Variants in COL14A1 observed in about 807,000 individuals in gnomAD.
COL14A1 encodes the protein collagen alpha-1(XIV) chain.
In COL14A1, 136 loss-of-function variants were observed where a neutral mutation model predicts 230.3. The ratio of observed to expected loss-of-function variants is 0.59; its 90% CI spans 0.51 to 0.68. The LOEUF is 0.68. Ranked by LOEUF, COL14A1 falls within the 30% of genes least tolerant of loss-of-function variation. COL14A1 has a pLI of 0.00. For missense variants in COL14A1, 1,976 were observed against 2,215.8 expected (o/e 0.89, Z 2.17); for synonymous variants, 792 against 784.1 (o/e 1.01, Z -0.17).
intron 40 of COL14A1, among the ~76,000 whole-genome samples, chr8:120,319,828 C>T (rs933257557): frequency 1.3e-5 from 2 of 151,544 alleles, no homozygotes; most frequent in African/African-American, 2.4e-5. Context: ...GAGTACAGGA[C>T]CACACTTTAA....
At chr8:120,347,241 A>G (rs1407596010) in intron 45 of COL14A1, among the ~76,000 whole-genome samples, 1 of 152,200 alleles carries the variant, frequency 6.6e-6, no homozygotes, top group Non-Finnish European at 1.5e-5. Flanking sequence ...GGATTCTCAA[A>G]GGGCAGCCCA....
At chr8:120,344,194 A>C (rs77163858) in intron 44 of COL14A1, among the ~76,000 whole-genome samples, 2 of 152,342 alleles carry the variant, frequency 1.3e-5, no homozygotes, top group Non-Finnish European at 2.9e-5. Flanking sequence ...CAACTCGATA[A>C]GCCAGGCCCA....
intron 41 of COL14A1, 126 bp downstream of exon 41, chr8:120,332,320 T>A: frequency 1.2e-6 from 1 of 853,460 alleles, no homozygotes; most frequent in Admixed American, 2.5e-5. Context: ...ACTCATCCCT[T>A]GATAGAGAAC....
intron 4 of COL14A1, 27 bp from the exon 5 acceptor site, chr8:120,168,134 G>A (rs1404489131): frequency 6.9e-7 from 1 of 1,442,432 alleles, no homozygotes; most frequent in Non-Finnish European, 9.7e-7. Flanking sequence ...AGTATAACAT[G>A]GTGCTGTATC....
At chr8:120,249,343 A>G (rs553048751) in intron 21 of COL14A1, among the ~76,000 whole-genome samples, 1 of 152,000 alleles carries the variant, frequency 6.6e-6, no homozygotes, top group East Asian at 1.9e-4. Flanking sequence ...CCCACCTCCA[A>G]TTTCTCCAGA....
intron 2 of COL14A1, among the ~76,000 whole-genome samples, chr8:120,157,349 A>C (rs1815512861): frequency 6.6e-6 from 1 of 152,184 alleles, no homozygotes; most frequent in Non-Finnish European, 1.5e-5. Context: ...TTATTACCAT[A>C]ATATATCCGT....
chr8:120,264,174 G>C (rs556069481), intron 24 of COL14A1, among the ~76,000 whole-genome samples: 2 of 152,012 alleles, frequency 1.3e-5, no homozygotes, highest in African/African-American at 4.8e-5. Flanking sequence ...TTATACATTT[G>C]CCTTTTCTGG....
intron 9 of COL14A1, among the ~76,000 whole-genome samples, chr8:120,206,601 G>A (rs1254106977): frequency 1.3e-5 from 2 of 152,158 alleles, no homozygotes; most frequent in East Asian, 1.9e-4. Flanking sequence ...TGCCCGCCTC[G>A]GCCTCCCAAA....
At chr8:120,312,841 A>G (rs893675947) in intron 37 of COL14A1, among the ~76,000 whole-genome samples, 1 of 152,178 alleles carries the variant, frequency 6.6e-6, no homozygotes, top group Non-Finnish European at 1.5e-5. Context: ...GTGTTCACCA[A>G]TCTCAGAGCT....
Position 120,289,600 on chromosome 8 carries a change from T to C in COL14A1, c.4078-8T>C, listed in dbSNP as rs778170853. 6.2e-7 allele frequency: 1 copy of C among 1,612,628 alleles called. No individual in the cohort carries two copies. The highest frequency in any genetic ancestry group is 1.3e-5 in the African/African-American group (1 of 75,000). On this transcript the variant is annotated splice_region_variant and splice_polypyrimidine_tract_variant and intron_variant, in intron 33 of 47. Coordinates refer to ENST00000297848, the MANE Select transcript of COL14A1 (RefSeq NM_021110.4). ...TCTTACCTCCTAAAACATCTTACTT[T>C]TACCTAGCTACACATTGTTGTCAGT... is the stretch of plus-strand genomic sequence containing the variant.
rs533648098 is a variant in COL14A1 at position 120,150,730 on chromosome 8, A to G, written c.88+2800A>G. ...AATGAGTTCAGTTTTAGACAAATAT[A>G]TGGAGCTTAAGGTGTCTGTGGGACA... On this transcript the variant is annotated intron_variant, in intron 2 of 47. Transcript: ENST00000297848. Among the ~76,000 whole-genome samples the G allele has an allele frequency of 2.6e-5, 4 of 152,232 alleles. No homozygotes were observed. In the South Asian group the frequency reaches 6.2e-4, roughly 24 times the overall value.
intron 40 of COL14A1, among the ~76,000 whole-genome samples, chr8:120,324,096 G>A (rs998482787): frequency 1.3e-5 from 2 of 151,870 alleles, no homozygotes; most frequent in Non-Finnish European, 2.9e-5. Flanking sequence ...AGGAGGATGA[G>A]GATCAAAAAA....
intron 47 of COL14A1, chr8:120,370,409 T>G: frequency 6.2e-7 from 1 of 1,606,008 alleles, no homozygotes. Context: ...CCCAGACATT[T>G]AGCTGTGGAT....
rs1360567717 is a variant in COL14A1, at chr8:120,262,883, A to C, written c.2885A>C (p.Glu962Ala). The change falls in exon 24 of 48, where the codon GAA becomes GCA. Residue 962 changes from glutamate to alanine, a missense_variant. By Grantham distance (107) the Glu-to-Ala change is moderately radical (BLOSUM62 -1). This residue lies in a region of COL14A1 where 1,791 missense variants were observed against 2,019.5 expected (regional missense o/e 0.89). Transcript: ENST00000297848. Reference sequence around the variant, plus strand: ...TTTATTATAGATAGGCAAAAGCAAGAATCCACTGTGGGTGGAGGGACAACC... The same window carrying C: ...TTTATTATAGATAGGCAAAAGCAAGCATCCACTGTGGGTGGAGGGACAACC... ...IESLQDRQKQ[E>A]STVGGGTTRH... 2 of 1,606,372 alleles carry C rather than the reference A, an allele frequency of 1.2e-6. No homozygotes were observed. The highest frequency in any genetic ancestry group is 1.1e-5 in the South Asian group (1 of 89,040).
intron 5 of COL14A1, among the ~76,000 whole-genome samples, chr8:120,185,301 C>T (rs959711692): frequency 6.6e-6 from 1 of 152,150 alleles, no homozygotes; most frequent in Non-Finnish European, 1.5e-5. Flanking sequence ...GGACAACTTC[C>T]ATGGTAGTGA....
chr8:120,338,673 G>T (rs1166977779), intron 42 of COL14A1, among the ~76,000 whole-genome samples: 1 of 152,188 alleles, frequency 6.6e-6, no homozygotes, highest in Admixed American at 6.5e-5. Context: ...AGGTTTAGCT[G>T]AGTTAACATG....
At chr8:120,218,175 A>G (rs968145904) in intron 14 of COL14A1, among the ~76,000 whole-genome samples, 1 of 137,720 alleles carries the variant, frequency 7.3e-6, no homozygotes, top group African/African-American at 2.8e-5. Context: ...ATAAATATAT[A>G]TAAATATATA....
At chr8:120,257,934 T>C (rs1819210119) in intron 23 of COL14A1, among the ~76,000 whole-genome samples, 1 of 152,222 alleles carries the variant, frequency 6.6e-6, no homozygotes, top group African/African-American at 2.4e-5. Context: ...AAGTCTCTAC[T>C]GTAACCACAA....
In COL14A1 at chr8:120,280,232, A is replaced by T. The variant is rs1819994647; in HGVS notation, c.3646+133A>T. Reference sequence around the variant, plus strand: ...CAGTACTGCTTGTTATATAGACATTAAGTTTTGTGGCTTTGAGCATATGGA... The same window carrying T: ...CAGTACTGCTTGTTATATAGACATTTAGTTTTGTGGCTTTGAGCATATGGA... On this transcript the variant is annotated intron_variant, in intron 29 of 47. Transcript: ENST00000297848. 2.8e-6 allele frequency: 3 copies of T among 1,059,740 alleles called. No homozygotes were observed. The South Asian group carries it at 4.7e-5, about 17-fold the overall frequency. The allele number at this position is 1,059,740 out of a possible 1,614,324, so 65.6% of individuals were successfully genotyped here. A position where few individuals can be genotyped will look rare whatever the true frequency, so the allele number is the denominator to read the frequency against.
Sources: allele counts gnomAD v4.1 joint callset (sites outside exome capture counted in the v4.1 genomes callset), GRCh38; gene constraint gnomAD v4.1.1; regional missense constraint gnomAD v4.1.1; transcripts MANE v1.5; gene names NCBI Gene and HGNC (gene_info 2026-07-23, HGNC 2026-07-21).